Variants in TSC2 observed in about 807,000 individuals in gnomAD.
The protein encoded by TSC2 is TSC complex subunit 2.
In TSC2, 29 loss-of-function variants were observed where a neutral mutation model predicts 202.2. The observed-to-expected ratio is 0.14, with a 90% CI of 0.11 to 0.20. The LOEUF is 0.20. Among genes scored for constraint, TSC2 ranks in the 10% least tolerant of loss-of-function variants. The pLI, the probability that TSC2 is intolerant of heterozygous loss-of-function variation, is 1.00. For missense variants in TSC2, 2,429 were observed against 2,420.0 expected, an observed-to-expected ratio of 1.00 and a Z score of -0.08; for synonymous variants, 1,349 against 1,044.0, an observed-to-expected ratio of 1.29 and a Z score of -5.63.
At chr16:2,082,390 A>G (rs761652492) in intron 31 of TSC2, 46 bp from the exon 32 acceptor site, 1 of 1,601,956 alleles carries the variant, frequency 6.2e-7, no homozygotes, top group South Asian at 1.1e-5. Context: ...ACCTGTGTGT[A>G]GCCCCTCCTC....
intron 5 of TSC2, 72 bp downstream of exon 5, chr16:2,054,512 G>C: frequency 6.2e-7 from 1 of 1,604,518 alleles, no homozygotes; most frequent in South Asian, 1.1e-5. Context: ...GAAGGACCTG[G>C]GGCTGGGGAG....
chr16:2,080,070 A>G (rs1011816155), intron 29 of TSC2, 95 bp from the exon 30 acceptor site: 2 of 1,535,758 alleles, frequency 1.3e-6, no homozygotes, highest in South Asian at 1.1e-5. Context: ...TGCCTGTGGC[A>G]CTAGCTTGCC....
chr16:2,083,562 A>G, intron 32 of TSC2, 133 bp from the exon 33 acceptor site: 1 of 1,457,506 alleles, frequency 6.9e-7, no homozygotes, highest in Non-Finnish European at 9.3e-7. Context: ...GGATGGCAGC[A>G]GTAAGCAGAG....
intron 17 of TSC2, among the ~76,000 whole-genome samples, chr16:2,071,187 C>T (rs1002926381): frequency 1.1e-4 from 16 of 152,348 alleles, no homozygotes; most frequent in South Asian, 1.0e-3. Context: ...AGCTGAGCTC[C>T]GCTTTCTGGC....
intron 13 of TSC2, 180 bp downstream of exon 13, chr16:2,062,780 C>T (rs1004564069): frequency 1.1e-6 from 1 of 886,388 alleles, no homozygotes; most frequent in Non-Finnish European, 1.8e-6. Context: ...GACAGGTCCT[C>T]TCATGACGCC....
rs1160412532 is a variant in TSC2 at position 2,054,454 on chromosome 16, T to G, written c.481+14T>G. On this transcript the variant is annotated intron_variant, in intron 5 of 41. Transcript: ENST00000219476. ...AGGAAGAGCTGGGTGGGTGCCACCT[T>G]GGGTTGGAGGTTTCTCTGGCCTTGA... 10 of 1,613,846 alleles carry G rather than the reference T, an allele frequency of 6.2e-6. No homozygotes were observed. Among genetic ancestry groups the G allele is most frequent in the African/African-American group, 1.3e-5 (1 of 74,906 alleles).
At position 2,079,700 on chromosome 16, in the gene TSC2, G is replaced by C. The variant is rs753368345; in HGVS notation, c.3397+31G>C. On this transcript the variant is annotated intron_variant, in intron 29 of 41. Coordinates refer to ENST00000219476, the MANE Select transcript of TSC2 (RefSeq NM_000548.5). The surrounding 1 kb of genome is among the most constrained non-coding windows in gnomAD (Gnocchi z 4.6). The stretch of plus-strand genomic sequence containing the variant: ...CCTTGGCCCCAGCCACCTCCACACA[G>C]GCACCGGGGCTCCCTCAGTTGCTGC... 1.9e-6 allele frequency: 3 copies of C among 1,547,214 alleles called. No individual in the cohort carries two copies. In the South Asian group the frequency reaches 3.5e-5, roughly 18 times the overall value.
At chr16:2,048,377 G>C in intron 1 of TSC2, 2 of 849,642 alleles carry the variant, frequency 2.4e-6, no homozygotes, top group African/African-American at 1.7e-5. Context: ...TGAGTAGAGA[G>C]CTCTCTAGAC....
In TSC2 at chr16:2,085,158, G is replaced by A. The variant is rs536457731; in HGVS notation, c.4570-72G>A. 1.0e-4 allele frequency: 160 copies of A among 1,607,070 alleles called. No homozygotes were observed. The East Asian group carries it at 2.4e-3, about 24-fold the overall frequency. ...CCTAAGCTCCCTGTGGCAGCCTGCC[G>A]TGACCGGCCTGGGTGGGGCGGCCTC... On this transcript the variant is annotated intron_variant, in intron 35 of 41. Transcript: ENST00000219476.
chr16:2,075,975 C>T (rs2089292028), intron 23 of TSC2, 83 bp downstream of exon 23: 2 of 1,611,608 alleles, frequency 1.2e-6, no homozygotes, highest in African/African-American at 1.3e-5. Flanking sequence ...AGCCTTTGTC[C>T]CCAAGGCCTG....
chr16:2,063,413 G>C (rs909282788), intron 14 of TSC2: 1 of 404,544 alleles, frequency 2.5e-6, no homozygotes, highest in African/African-American at 2.0e-5. Context: ...CGTTCACCCT[G>C]TGCACCTGCG....
At position 2,080,192 on chromosome 16, in the gene TSC2, T is replaced by C. The variant is rs796053513; in HGVS notation, c.3425T>C (p.Leu1142Pro). 1.9e-6 allele frequency: 3 copies of C among 1,612,940 alleles called. No individual in the cohort carries two copies. Among genetic ancestry groups the C allele is most frequent in the Non-Finnish European group, 2.5e-6 (3 of 1,179,986 alleles). The change falls in exon 30 of 42, where the codon CTG becomes CCG. Residue 1142 changes from leucine (L) to proline (P), a missense_variant. Coordinates refer to ENST00000219476, the MANE Select transcript of TSC2 (RefSeq NM_000548.5). ...GGCCATGGTCTTCGAGTTGGCGCCC[T>C]GGACGTGCCGGCCTCCCAGTTCCTG... is the stretch of plus-strand genomic sequence containing the variant. The part of the protein sequence containing the change: ...SGGHGLRVGA[L>P]DVPASQFLGS...
intron 16 of TSC2, chr16:2,068,855 A>G (rs989363139): frequency 2.1e-5 from 3 of 146,246 alleles, no homozygotes; most frequent in African/African-American, 7.7e-5. Context: ...CCTGGGCGAC[A>G]GAGAAAGACT....
intron 19 of TSC2, 75 bp downstream of exon 19, chr16:2,072,009 GCCTC>G: frequency 1.3e-6 from 2 of 1,504,026 alleles, no homozygotes; most frequent in Non-Finnish European, 1.8e-6. Flanking sequence ...TGCCTGCTGG[GCCTC>G]CCTCCCTGTC....
chr16:2,058,210 C>T (rs907896828), intron 9 of TSC2, among the ~76,000 whole-genome samples: 17 of 152,274 alleles, frequency 1.1e-4, no homozygotes, highest in African/African-American at 3.4e-4. Context: ...CCAGCCCTGC[C>T]CCACCCCCTG....
At chr16:2,049,745 AC>A (rs963713231) in intron 2 of TSC2, among the ~76,000 whole-genome samples, 3 of 151,048 alleles carry the variant, frequency 2.0e-5, no homozygotes, top group South Asian at 2.1e-4. Context: ...AATTGCTTGA[AC>A]CCGGGAGGCG....
rs151140709 is a variant in TSC2 at position 2,086,201 on chromosome 16, C to T, written c.4671C>T (p.Ser1557=). 72 of 1,612,470 alleles carry T rather than the reference C, an allele frequency of 4.5e-5. No homozygotes were observed. Among genetic ancestry groups the T allele is most frequent in the Non-Finnish European group, 5.4e-5 (64 of 1,179,914 alleles). ...CTCCCCTCTCCCCACAGAGCAACAG[C>T]GAGCTCGCCATCCTGTCCAATGAGC... The part of the protein sequence containing the change: ...VLYVGEGQSN[S]ELAILSNEHG... The change falls in exon 37 of 42, where the codon AGC becomes AGT. Residue 1557 remains serine, a synonymous_variant. Transcript: ENST00000219476.
At chr16:2,066,865 T>C (rs2087453292) in intron 16 of TSC2, among the ~76,000 whole-genome samples, 1 of 152,074 alleles carries the variant, frequency 6.6e-6, no homozygotes, top group African/African-American at 2.4e-5. Flanking sequence ...TTTCACCATG[T>C]TGGCCAGGCT....
chr16:2,070,367 GC>G, intron 16 of TSC2, 88 bp from the exon 17 acceptor site: 1 of 1,609,920 alleles, frequency 6.2e-7, no homozygotes, highest in Non-Finnish European at 8.5e-7. Context: ...TAGAGCAGCC[GC>G]CCCGGCCCCT....
Sources: allele counts gnomAD v4.1 joint callset (sites outside exome capture counted in the v4.1 genomes callset), GRCh38; gene constraint gnomAD v4.1.1; non-coding constraint Gnocchi (gnomAD v3.1); transcripts MANE v1.5; gene names NCBI Gene and HGNC (gene_info 2026-07-23, HGNC 2026-07-21).